SLC22A8: variants seen among roughly 807,000 people sequenced by gnomAD.
SLC22A8 encodes the protein solute carrier family 22 member 8.
SLC22A8 carries 40 observed loss-of-function variants against 48.4 expected under a neutral mutation model. That is an observed-to-expected ratio of 0.83 (90% CI 0.64 to 1.08). The LOEUF is 1.08. Ranked by LOEUF, SLC22A8 falls within the 50% of genes least tolerant of loss-of-function variation. The pLI is 0.00. For missense variants in SLC22A8, 606 were observed against 699.0 expected (o/e 0.87, Z 1.50); for synonymous variants, 268 against 286.3 (o/e 0.94, Z 0.65).
intron 2 of SLC22A8, among the ~76,000 whole-genome samples, chr11:63,014,414 A>G (rs1397014141): frequency 6.6e-6 from 1 of 152,134 alleles, no homozygotes; most frequent in African/African-American, 2.4e-5. Context: ...CCTCAGTAGC[A>G]GTTTGTTGAA....
Position 62,994,651 on chromosome 11 carries a change from G to T in SLC22A8, c.1107C>A (p.Ala369=). ...TTAAGGAGAGGATGGTGATGAACTT[G>T]GCTGGGACATCGACCCCACCAAAGA... The part of the protein sequence containing the change: ...QIIFGGVDVP[A]KFITILSLSY... Residue 369 remains alanine, a synonymous_variant, in exon 8 of 11, where the codon GCC becomes GCA. Transcript: ENST00000336232. The T allele has an allele frequency of 6.2e-7, 1 of 1,614,198 alleles. No homozygotes were observed. Among genetic ancestry groups the T allele is most frequent in the South Asian group, 1.1e-5 (1 of 91,076 alleles).
intron 1 of SLC22A8, among the ~76,000 whole-genome samples, chr11:63,015,408 G>C (rs1181835216): frequency 2.0e-5 from 3 of 152,232 alleles, no homozygotes; most frequent in Non-Finnish European, 2.9e-5. Context: ...CACGTAGCAG[G>C]GACCAAGGGG....
intron 2 of SLC22A8, among the ~76,000 whole-genome samples, chr11:63,002,847 T>C (rs1315065529): frequency 6.6e-6 from 1 of 152,192 alleles, no homozygotes; most frequent in Non-Finnish European, 1.5e-5. Flanking sequence ...CTTTCCATGT[T>C]TTAACTTTAA....
chr11:63,015,052 A>G, intron 1 of SLC22A8, 69 bp from the exon 2 acceptor site: 2 of 1,068,236 alleles, frequency 1.9e-6, no homozygotes, highest in South Asian at 3.3e-5. Context: ...ATGGAACGAT[A>G]TGTGGGAGGG....
At chr11:63,003,023 G>A (rs941050127) in intron 2 of SLC22A8, among the ~76,000 whole-genome samples, 5 of 152,110 alleles carry the variant, frequency 3.3e-5, no homozygotes, top group Admixed American at 2.0e-4. Flanking sequence ...GGGCTAAAAC[G>A]CCACTCAAAT....
intron 2 of SLC22A8, among the ~76,000 whole-genome samples, chr11:63,009,143 G>A (rs994220921): frequency 3.3e-5 from 5 of 152,182 alleles, no homozygotes; most frequent in African/African-American, 1.2e-4. Flanking sequence ...ATGAGCCCCC[G>A]GCAGGGCTGA....
chr11:62,999,344 C>T (rs908838215), intron 4 of SLC22A8: 6 of 505,874 alleles, frequency 1.2e-5, no homozygotes, highest in African/African-American at 5.7e-5. Context: ...AACTCATGCT[C>T]TTAACCACTG....
At chr11:63,006,782 T>G (rs1002689076) in intron 2 of SLC22A8, among the ~76,000 whole-genome samples, 5 of 151,078 alleles carry the variant, frequency 3.3e-5, no homozygotes, top group African/African-American at 1.2e-4. Flanking sequence ...TAATTTTTTT[T>G]TTTTTTAGTA....
Position 62,994,559 on chromosome 11 carries a change from A to T in SLC22A8, c.1199T>A (p.Leu400His). ...TCTCTCACCCAAGGGCACAAAGGTG[A>T]GAGCCAAGATGGCCCCTCCTGCCAG... ...LLLAGGAILA[L>H]TFVPLDLQTV... The change falls in exon 8 of 11, where the codon CTC becomes CAC. Residue 400 changes from leucine (L) to histidine (H), a missense_variant. Leu to His is a moderately conservative substitution (Grantham distance 99, BLOSUM62 -3). Transcript: ENST00000336232. The T allele has an allele frequency of 6.2e-7, 1 of 1,609,942 alleles. No homozygotes were observed. The highest frequency in any genetic ancestry group is 1.1e-5 in the South Asian group (1 of 90,250).
intron 2 of SLC22A8, among the ~76,000 whole-genome samples, chr11:63,011,196 C>T (rs959035095): frequency 3.9e-5 from 6 of 152,194 alleles, no homozygotes; most frequent in Non-Finnish European, 7.3e-5. Context: ...GACTTTGACT[C>T]CCCACTCCAT....
rs757917619 is a variant in SLC22A8 at position 62,993,201 on chromosome 11, G to A, written c.*36C>T. The A allele has an allele frequency of 1.8e-5, 27 of 1,536,880 alleles. No individual in the cohort carries two copies. Among genetic ancestry groups the A allele is most frequent in the African/African-American group, 2.7e-5 (2 of 73,454 alleles). On this transcript the variant is annotated 3_prime_UTR_variant, in exon 11 of 11. Transcript: ENST00000336232. ...CTCCTAAGGTGCCTGGCTAGGATCA[G>A]TCTCTGGAGGGCAGGGAAAGGGGGT...
chr11:63,004,277 A>G (rs1401372478), intron 2 of SLC22A8, among the ~76,000 whole-genome samples: 1 of 152,224 alleles, frequency 6.6e-6, no homozygotes, highest in Admixed American at 6.5e-5. Context: ...TAAACTTTTG[A>G]GACCTGTTTA....
chr11:63,010,494 C>G (rs2086606528), intron 2 of SLC22A8, among the ~76,000 whole-genome samples: 1 of 152,188 alleles, frequency 6.6e-6, no homozygotes, highest in African/African-American at 2.4e-5. Context: ...CAGAACCTGA[C>G]CCAAGCACAT....
At chr11:62,997,921 A>G (rs995480698) in intron 5 of SLC22A8, among the ~76,000 whole-genome samples, 1 of 152,046 alleles carries the variant, frequency 6.6e-6, no homozygotes, top group Non-Finnish European at 1.5e-5. Context: ...TCTTTTCCTG[A>G]GCGCCTGTGG....
At chr11:62,998,802 C>T (rs2086454365) in intron 5 of SLC22A8, 119 bp downstream of exon 5, 1 of 820,960 alleles carries the variant, frequency 1.2e-6, no homozygotes, top group Non-Finnish European at 2.0e-6. Context: ...GAGTGCCCTT[C>T]CCTGACTCTG....
Position 63,000,838 on chromosome 11 carries a change from G to C in SLC22A8, c.334-15C>G. The C allele has an allele frequency of 6.3e-7, 1 of 1,597,728 alleles. No homozygotes were observed. ...ACCAAGTCCCACTGCACAAGAGAAA[G>C]GTAGGGCTAGCCTAACTCAGTGTAG... On this transcript the variant is annotated splice_polypyrimidine_tract_variant and intron_variant, in intron 2 of 10. Transcript: ENST00000336232.
intron 5 of SLC22A8, among the ~76,000 whole-genome samples, chr11:62,997,996 G>A (rs907580451): frequency 6.6e-6 from 1 of 152,114 alleles, no homozygotes; most frequent in African/African-American, 2.4e-5. Context: ...TTGTTGCCCA[G>A]GCTGGAGTGC....
chr11:62,995,599 G>C (rs1373817558), intron 7 of SLC22A8, 105 bp downstream of exon 7: 1 of 791,760 alleles, frequency 1.3e-6, no homozygotes, highest in Non-Finnish European at 2.2e-6. Flanking sequence ...GGGATTCTCT[G>C]ACTTCTCTTT....
intron 3 of SLC22A8, among the ~76,000 whole-genome samples, chr11:63,000,312 C>T (rs985739786): frequency 3.3e-5 from 5 of 152,000 alleles, no homozygotes; most frequent in Admixed American, 6.6e-5. Flanking sequence ...GGTGAAACCT[C>T]GTCTCTACTA....
Sources: allele counts gnomAD v4.1 joint callset (sites outside exome capture counted in the v4.1 genomes callset), GRCh38; gene constraint gnomAD v4.1.1; transcripts MANE v1.5; gene names NCBI Gene and HGNC (gene_info 2026-07-23, HGNC 2026-07-21).